The following NF1 variants were observed in gnomAD, a reference collection of about 807,000 sequenced individuals.
NF1 encodes neurofibromin 1.
A neutral mutation model predicts 325.7 loss-of-function variants in NF1; 122 were observed. That is an observed-to-expected ratio of 0.37 (90% CI 0.32 to 0.44). The LOEUF (loss-of-function observed/expected upper bound fraction) is 0.44. Ranked by LOEUF, NF1 falls within the 20% of genes least tolerant of loss-of-function variation. NF1 has a pLI of 1.00. For missense variants in NF1, 2,140 were observed against 3,415.4 expected, an observed-to-expected ratio of 0.63 and a Z score of 9.31; for synonymous variants, 1,091 against 1,186.0, an observed-to-expected ratio of 0.92 and a Z score of 1.65.
At chr17:31,371,795 GCACATGTTCATAAACAGT>G (rs755877776) in intron 57 of NF1, among the ~76,000 whole-genome samples, 1 of 152,214 alleles carries the variant, frequency 6.6e-6, no homozygotes, top group Non-Finnish European at 1.5e-5. Flanking sequence ...CTGATGCAGT[GCACATGTTCATAAACAGT>G]CACTGACAAA....
At chr17:31,208,516 T>C (rs540862418) in intron 12 of NF1, among the ~76,000 whole-genome samples, 1 of 152,236 alleles carries the variant, frequency 6.6e-6, no homozygotes, top group South Asian at 2.1e-4. Flanking sequence ...CAGGGAAGCA[T>C]GGTGAACTAA....
intron 4 of NF1, among the ~76,000 whole-genome samples, chr17:31,168,523 T>C (rs2065881194): frequency 6.6e-6 from 1 of 152,166 alleles, no homozygotes; most frequent in South Asian, 2.1e-4. Flanking sequence ...ATCAGTATCA[T>C]TTCTTCATTT....
At chr17:31,149,045 A>G (rs1305824052) in intron 1 of NF1, among the ~76,000 whole-genome samples, 1 of 151,286 alleles carries the variant, frequency 6.6e-6, no homozygotes, top group Non-Finnish European at 1.5e-5. Flanking sequence ...TAAGAAACAT[A>G]TATTTCTATC....
At position 31,350,253 on chromosome 17, in the gene NF1, T is replaced by C. The variant is rs1248161961; in HGVS notation, c.7392T>C (p.Thr2464=). The change falls in exon 50 of 58, where the codon ACT becomes ACC. Residue 2464 remains threonine (T), a synonymous_variant. Transcript: ENST00000358273. ...AACATAGAAAGTCACTTCTTCTTAC[T>C]GATATTTCAATGGAAAATGTTCCTA... ...SLKHRKSLLL[T]DISMENVPMD... 1 of 1,613,592 alleles carries C rather than the reference T, an allele frequency of 6.2e-7. No individual in the cohort carries two copies. The highest frequency in any genetic ancestry group is 1.1e-5 in the South Asian group (1 of 91,076).
chr17:31,364,616 C>T (rs1056815797), intron 57 of NF1, among the ~76,000 whole-genome samples: 2 of 152,200 alleles, frequency 1.3e-5, no homozygotes, highest in African/African-American at 4.8e-5. Flanking sequence ...TTACATAAAG[C>T]AATTGTCTCT....
chr17:31,162,608 T>G (rs1415927612), intron 3 of NF1, among the ~76,000 whole-genome samples: 1 of 152,246 alleles, frequency 6.6e-6, no homozygotes, highest in Non-Finnish European at 1.5e-5. Context: ...CTTGGTGTGT[T>G]AATTGTATTG....
At position 31,298,358 on chromosome 17, in the gene NF1, C is replaced by T. The variant is rs540486966; in HGVS notation, c.4836-27462C>T. 5.9e-5 allele frequency among the ~76,000 whole-genome samples: 9 copies of T among 152,108 alleles called. No homozygotes were observed. In the South Asian group the frequency reaches 8.3e-4, roughly 14 times the overall value. On this transcript the variant is annotated intron_variant, in intron 36 of 57. Transcript: ENST00000358273. ...AAAGCAAATAAAGTTACGGTATTTT[C>T]GTTACCAAGTGGCACCATTTAAAAA...
At chr17:31,158,136 T>C (rs984982395) in intron 2 of NF1, among the ~76,000 whole-genome samples, 1 of 152,216 alleles carries the variant, frequency 6.6e-6, no homozygotes, top group African/African-American at 2.4e-5. Context: ...CTTCTACTTT[T>C]TACTCTTTTT....
chr17:31,222,430 A>T (rs1597707436), intron 15 of NF1: 3 of 1,032,690 alleles, frequency 2.9e-6, no homozygotes, highest in African/African-American at 1.7e-5. Context: ...AAATCATTAC[A>T]TTTTAATGAG....
chr17:31,252,691 T>C (rs1038173006), intron 30 of NF1: 1 of 466,058 alleles, frequency 2.1e-6, no homozygotes, highest in Non-Finnish European at 3.8e-6. Context: ...CTGTGATTCA[T>C]AGCCAGAAAT....
At chr17:31,184,974 A>C (rs2066212735) in intron 8 of NF1, among the ~76,000 whole-genome samples, 1 of 152,150 alleles carries the variant, frequency 6.6e-6, no homozygotes, top group South Asian at 2.1e-4. Context: ...GAAGCTGGGG[A>C]CTCTGAGTTT....
At chr17:31,298,814 A>G (rs145267770) in intron 36 of NF1, among the ~76,000 whole-genome samples, 1 of 152,124 alleles carries the variant, frequency 6.6e-6, no homozygotes, top group African/African-American at 2.4e-5. Context: ...TTAAGCTCAT[A>G]TATACACTGC....
chr17:31,138,232 A>G (rs1915922693), intron 1 of NF1: 1 of 150,260 alleles, frequency 6.7e-6, no homozygotes, highest in African/African-American at 2.5e-5. Context: ...AAATATCTTG[A>G]CTTTATCTTC....
intron 12 of NF1, among the ~76,000 whole-genome samples, chr17:31,212,518 G>C (rs1235918262): frequency 2.0e-5 from 3 of 152,182 alleles, no homozygotes; most frequent in Admixed American, 6.5e-5. Flanking sequence ...GACCAGCCTG[G>C]CCAACATGGC....
Position 31,155,970 on chromosome 17 carries a change from CTTT to C in NF1, c.61-6_61-4del. ...TAAGCTGTTAACGTGTTTTTTTTTTCTTTTTTTTTCAGCTTCCAATAAAAACAG... is the reference window on the plus strand; with the variant it reads ...TAAGCTGTTAACGTGTTTTTTTTTTCTTTTTTCAGCTTCCAATAAAAACAG... On this transcript the variant is annotated splice_polypyrimidine_tract_variant and intron_variant, in intron 1 of 57. Transcript: ENST00000358273. 1 of 1,531,950 alleles carries C rather than the reference CTTT, an allele frequency of 6.5e-7. No individual in the cohort carries two copies. Among genetic ancestry groups the C allele is most frequent in the Non-Finnish European group, 8.8e-7 (1 of 1,135,612 alleles). The allele number at this position is 1,531,950 out of a possible 1,614,324, so 94.9% of individuals were successfully genotyped here.
At chr17:31,318,340 T>A in intron 36 of NF1, 1 of 1,610,832 alleles carries the variant, frequency 6.2e-7, no homozygotes, top group South Asian at 1.1e-5. Context: ...TTCAGTTCCT[T>A]CTTCATCTTT....
intron 57 of NF1, among the ~76,000 whole-genome samples, chr17:31,367,737 C>T (rs1264696584): frequency 6.6e-6 from 1 of 152,132 alleles, no homozygotes; most frequent in Admixed American, 6.5e-5. Flanking sequence ...TGCGATGGCT[C>T]ACGCCTATAA....
At chr17:31,132,982 A>C (rs1268731240) in intron 1 of NF1, among the ~76,000 whole-genome samples, 3 of 152,112 alleles carry the variant, frequency 2.0e-5, no homozygotes, top group Non-Finnish European at 4.4e-5. Flanking sequence ...CTTATGTTTA[A>C]ATGTGGAAAA....
chr17:31,110,126 C>T (rs908005653), intron 1 of NF1, among the ~76,000 whole-genome samples: 2 of 151,966 alleles, frequency 1.3e-5, no homozygotes, highest in Admixed American at 6.6e-5. Flanking sequence ...GGTTTGTAAA[C>T]CACTGCTGTG....
Sources: gnomAD v4.1 joint callset for allele counts (sites outside exome capture counted in the v4.1 genomes callset) on GRCh38, gnomAD v4.1.1 for gene constraint, MANE v1.5 for transcripts, NCBI Gene and HGNC (gene_info 2026-07-23, HGNC 2026-07-21) for gene names.